The following PCDH15 variants were observed in gnomAD, a reference collection of about 807,000 sequenced individuals.
PCDH15 encodes protocadherin-15.
A neutral mutation model predicts 178.5 loss-of-function variants in PCDH15; 129 were observed. That is an observed-to-expected ratio of 0.72 (90% confidence interval 0.63 to 0.84). PCDH15 has a LOEUF of 0.84. Among genes scored for constraint, PCDH15 ranks in the 40% least tolerant of loss-of-function variants. The probability of loss-of-function intolerance (pLI) is 0.00; values close to 1 mark genes in which losing one functional copy is unlikely to be tolerated. For synonymous variants in PCDH15, 800 were observed against 732.0 expected (o/e 1.09, Z -1.50); for missense variants, 2,230 against 2,099.9 (o/e 1.06, Z -1.21).
intron 2 of PCDH15, among the ~76,000 whole-genome samples, chr10:54,533,038 C>G (rs891931121): frequency 1.3e-5 from 2 of 152,148 alleles, no homozygotes; most frequent in African/African-American, 4.8e-5. Context: ...ATGGGAGGCC[C>G]TGAACTGGTA....
intron 2 of PCDH15, among the ~76,000 whole-genome samples, chr10:55,524,067 T>C (rs1480818587): frequency 2.6e-5 from 4 of 151,508 alleles, no homozygotes; most frequent in African/African-American, 9.7e-5. Flanking sequence ...ACCTTTTTTT[T>C]TTTTAGCAGC....
At chr10:54,987,784 C>T (rs912129486) in intron 2 of PCDH15, among the ~76,000 whole-genome samples, 3 of 151,240 alleles carry the variant, frequency 2.0e-5, no homozygotes, top group Non-Finnish European at 4.4e-5. Context: ...GGGTAGATTG[C>T]AAAATTTTTT....
At chr10:54,512,928 C>T (rs1173600921) in intron 3 of PCDH15, among the ~76,000 whole-genome samples, 1 of 152,004 alleles carries the variant, frequency 6.6e-6, no homozygotes, top group Non-Finnish European at 1.5e-5. Context: ...GAGCCATTTT[C>T]CAAGAATTAG....
chr10:54,026,449 A>T (rs1474304444), intron 18 of PCDH15, among the ~76,000 whole-genome samples: 1 of 152,154 alleles, frequency 6.6e-6, no homozygotes, highest in Non-Finnish European at 1.5e-5. Flanking sequence ...GGGCATCCTC[A>T]CCAATAGAGT....
At chr10:55,076,765 T>C (rs975093784) in intron 2 of PCDH15, among the ~76,000 whole-genome samples, 7 of 104,094 alleles carry the variant, frequency 6.7e-5, no homozygotes, top group African/African-American at 1.3e-4. Context: ...GCCTGTGACC[T>C]TTTTTTTTTT....
chr10:53,821,547 T>TTTAAG, intron 32 of PCDH15: 1 of 1,092,144 alleles, frequency 9.2e-7, no homozygotes, highest in African/African-American at 1.6e-5. Context: ...ATGCCTTTGG[T>TTTAAG]TTAAGTTGGG....
At chr10:54,571,693 G>C (rs2089863734) in intron 2 of PCDH15, among the ~76,000 whole-genome samples, 1 of 152,148 alleles carries the variant, frequency 6.6e-6, no homozygotes, top group Admixed American at 6.6e-5. Flanking sequence ...CTAGGAGCAA[G>C]GACATGGGAG....
intron 18 of PCDH15, among the ~76,000 whole-genome samples, chr10:54,037,568 G>T (rs950280748): frequency 6.6e-6 from 1 of 151,876 alleles, no homozygotes; most frequent in African/African-American, 2.4e-5. Flanking sequence ...TTGCAGTATG[G>T]AGTATACTTA....
At chr10:54,803,766 C>T (rs1200126761), upstream of PCDH15, among the ~76,000 whole-genome samples, 1 of 152,002 alleles carries the variant, frequency 6.6e-6, no homozygotes, top group East Asian at 1.9e-4. Context: ...GTTTACTTTA[C>T]GACGGAAAGA....
At chr10:54,670,667 C>T (rs143789556) in intron 1 of PCDH15, among the ~76,000 whole-genome samples, 1,736 of 151,908 alleles carry the variant, frequency 0.011, 32 homozygotes, top group African/African-American at 0.039. Flanking sequence ...ATAAATACAC[C>T]AAAAATGTTT....
At chr10:53,958,139 GA>G (rs1455803647) in intron 23 of PCDH15, among the ~76,000 whole-genome samples, 1 of 152,040 alleles carries the variant, frequency 6.6e-6, no homozygotes, top group African/African-American at 2.4e-5. Flanking sequence ...TTCATTCTAA[GA>G]AAGTAAAAAA....
At chr10:54,766,084 T>A (rs1394590850) in intron 1 of PCDH15, among the ~76,000 whole-genome samples, 1 of 152,088 alleles carries the variant, frequency 6.6e-6, no homozygotes, top group Non-Finnish European at 1.5e-5. Flanking sequence ...ATCTTCTAGT[T>A]GAGAAAATTA....
At chr10:55,518,485 C>T (rs763140534) in intron 2 of PCDH15, among the ~76,000 whole-genome samples, 11 of 151,930 alleles carry the variant, frequency 7.2e-5, no homozygotes, top group Non-Finnish European at 1.0e-4. Context: ...TACAAGCAGA[C>T]AGAAAGAGCA....
At chr10:53,878,180 G>GTCACACAC (rs1465528242) in intron 26 of PCDH15, among the ~76,000 whole-genome samples, 4 of 32,646 alleles carry the variant, frequency 1.2e-4, no homozygotes, top group Admixed American at 4.7e-4. Context: ...GCTATACTAT[G>GTCACACAC]GCACACACAC....
At chr10:55,618,298 T>C (rs1168237682) in intron 2 of PCDH15, among the ~76,000 whole-genome samples, 6 of 152,074 alleles carry the variant, frequency 3.9e-5, no homozygotes, top group Non-Finnish European at 8.8e-5. Flanking sequence ...GATTATCCTT[T>C]CATAGCATTT....
chr10:54,713,528 T>C (rs906843276), intron 1 of PCDH15, among the ~76,000 whole-genome samples: 10 of 152,226 alleles, frequency 6.6e-5, no homozygotes, highest in Admixed American at 6.6e-4. Flanking sequence ...TTTAAATAAA[T>C]TCCGAATTGA....
At chr10:54,186,286 TTAAGTC>T (rs1357644954) in intron 11 of PCDH15, among the ~76,000 whole-genome samples, 1 of 151,998 alleles carries the variant, frequency 6.6e-6, no homozygotes, top group Non-Finnish European at 1.5e-5. Context: ...AAACACTTCT[TTAAGTC>T]TGATGTCAAG....
chr10:55,292,141 C>A (rs1443289956), intron 1 of PCDH15, among the ~76,000 whole-genome samples: 1 of 152,132 alleles, frequency 6.6e-6, no homozygotes, highest in Non-Finnish European at 1.5e-5. Flanking sequence ...CTCATTTCAG[C>A]ATTAACTCAC....
At chr10:55,467,966 C>CAAAAAAAAAA (rs71463104) in intron 2 of PCDH15, among the ~76,000 whole-genome samples, 8 of 36,636 alleles carry the variant, frequency 2.2e-4, no homozygotes, top group African/African-American at 1.2e-3. Flanking sequence ...GACTCCGTCT[C>CAAAAAAAAAA]AAAAAAAAAA....
Sources: gnomAD v4.1 joint callset for allele counts (sites outside exome capture counted in the v4.1 genomes callset) on GRCh38, gnomAD v4.1.1 for gene constraint, MANE v1.5 for transcripts, NCBI Gene and HGNC (gene_info 2026-07-23, HGNC 2026-07-21) for gene names.